LRIG1: variants seen among roughly 807,000 people sequenced by gnomAD.
LRIG1 encodes the protein leucine-rich repeats and immunoglobulin-like domains protein 1.
A neutral mutation model predicts 99.2 loss-of-function variants in LRIG1; 48 were observed. The ratio of observed to expected loss-of-function variants is 0.48; its 90% CI spans 0.38 to 0.62. The LOEUF (loss-of-function observed/expected upper bound fraction) is 0.62. Ranked by LOEUF, LRIG1 falls within the 20% of genes least tolerant of loss-of-function variation. The pLI, the probability that LRIG1 is intolerant of heterozygous loss-of-function variation, is 0.00. For missense variants in LRIG1, 1,646 were observed against 1,434.4 expected, an observed-to-expected ratio of 1.15 and a Z score of -2.38; for synonymous variants, 772 against 596.1, an observed-to-expected ratio of 1.29 and a Z score of -4.30.
chr3:66,389,626 TA>T, intron 12 of LRIG1, among the ~76,000 whole-genome samples: 1 of 152,122 alleles, frequency 6.6e-6, no homozygotes, highest in Non-Finnish European at 1.5e-5. Flanking sequence ...CAGAAACACG[TA>T]AAAATGATAA....
In LRIG1 at chr3:66,500,494, C is replaced by A; in HGVS notation, c.-87G>T. On this transcript the variant is annotated 5_prime_UTR_variant, in exon 1 of 19. Transcript: ENST00000273261. The stretch of plus-strand genomic sequence containing the variant: ...ACGCGGGCGGGCCCGCGGGGCGCTC[C>A]GCTCGGCTCTAGACTCCGCACCGGG... 1.4e-6 allele frequency: 1 copy of A among 733,408 alleles called. No homozygotes were observed. Among genetic ancestry groups the A allele is most frequent in the African/African-American group, 1.8e-5 (1 of 54,116 alleles). 45.4% of individuals were successfully genotyped at this position (733,408 alleles called of 1,614,324 possible).
At position 66,380,236 on chromosome 3, in the gene LRIG1, T is replaced by C; in HGVS notation, c.*27A>G. 6 of 1,577,040 alleles carry C rather than the reference T, an allele frequency of 3.8e-6. No homozygotes were observed. Among genetic ancestry groups the C allele is most frequent in the Non-Finnish European group, 5.2e-6 (6 of 1,155,816 alleles). On this transcript the variant is annotated 3_prime_UTR_variant, in exon 19 of 19. Coordinates refer to ENST00000273261, the MANE Select transcript of LRIG1 (RefSeq NM_015541.3). ...TACCTCTCTTTCCCGTAGAGATTGG[T>C]ATGACAAGAACTGAGGTAGACAAAA...
intron 16 of LRIG1, 43 bp downstream of exon 16, chr3:66,382,230 A>G: frequency 6.2e-7 from 1 of 1,609,024 alleles, no homozygotes. Flanking sequence ...ACCCAGAGAC[A>G]CAGTCACAGC....
chr3:66,385,673 G>A (rs548563692), intron 13 of LRIG1, among the ~76,000 whole-genome samples: 13 of 152,158 alleles, frequency 8.5e-5, no homozygotes, highest in Admixed American at 2.0e-4. Context: ...CACTAGTCTC[G>A]AACTCCTGGC....
intron 1 of LRIG1, among the ~76,000 whole-genome samples, chr3:66,499,899 C>A (rs968628390): frequency 6.7e-6 from 1 of 149,726 alleles, no homozygotes; most frequent in Non-Finnish European, 1.5e-5. Flanking sequence ...ATGGCCCGCA[C>A]GACGCGTGCT....
At chr3:66,428,799 A>C (rs987248834) in intron 3 of LRIG1, among the ~76,000 whole-genome samples, 1 of 152,236 alleles carries the variant, frequency 6.6e-6, no homozygotes, top group Non-Finnish European at 1.5e-5. Flanking sequence ...TCTCGTAAGA[A>C]ACAGCCCAGC....
chr3:66,429,214 AG>A (rs1354136872), intron 3 of LRIG1, among the ~76,000 whole-genome samples: 1 of 152,200 alleles, frequency 6.6e-6, no homozygotes, highest in Non-Finnish European at 1.5e-5. Context: ...TTGCTACAGC[AG>A]ATCCCATTTG....
intron 3 of LRIG1, among the ~76,000 whole-genome samples, chr3:66,425,222 C>T (rs553330752): frequency 2.8e-4 from 43 of 152,320 alleles, no homozygotes; most frequent in African/African-American, 9.6e-4. Flanking sequence ...ACTTTAAGGG[C>T]ACTGGCCCAG....
intron 3 of LRIG1, among the ~76,000 whole-genome samples, chr3:66,428,208 C>G (rs1485101544): frequency 6.6e-6 from 1 of 152,184 alleles, no homozygotes; most frequent in Non-Finnish European, 1.5e-5. Context: ...ATATGTCTGG[C>G]CTTAGCAGAC....
intron 3 of LRIG1, among the ~76,000 whole-genome samples, chr3:66,439,366 TA>T (rs1472008296): frequency 6.6e-6 from 1 of 152,240 alleles, no homozygotes; most frequent in East Asian, 1.9e-4. Flanking sequence ...AGTCACATTC[TA>T]AAAAGTCCAA....
chr3:66,416,237 A>C (rs1468606593), intron 4 of LRIG1, among the ~76,000 whole-genome samples: 1 of 152,210 alleles, frequency 6.6e-6, no homozygotes, highest in East Asian at 1.9e-4. Flanking sequence ...ACAAAAGCCA[A>C]GGCCTCCTGT....
intron 3 of LRIG1, among the ~76,000 whole-genome samples, chr3:66,424,976 T>C (rs913262917): frequency 1.3e-5 from 2 of 152,216 alleles, no homozygotes; most frequent in African/African-American, 2.4e-5. Context: ...TTCAGGAGGT[T>C]AGAGGTATTA....
At chr3:66,421,576 C>CCTCCCTCCCAG (rs1298800507) in intron 3 of LRIG1, among the ~76,000 whole-genome samples, 4 of 152,190 alleles carry the variant, frequency 2.6e-5, no homozygotes, top group African/African-American at 9.7e-5. Flanking sequence ...CAGGGTATAG[C>CCTCCCTCCCAG]CTCCCTCCCA....
chr3:66,396,688 T>A (rs1701864183), intron 11 of LRIG1, among the ~76,000 whole-genome samples: 1 of 152,232 alleles, frequency 6.6e-6, no homozygotes, highest in Non-Finnish European at 1.5e-5. Context: ...AAGGAAAATC[T>A]TATCCTCCTC....
At chr3:66,386,493 A>G (rs1177368001) in intron 12 of LRIG1, 192 bp from the exon 13 acceptor site, 2 of 592,248 alleles carry the variant, frequency 3.4e-6, no homozygotes, top group African/African-American at 1.9e-5. Context: ...TCTAATTAGA[A>G]GTCTGTGAGT....
chr3:66,498,125 T>C (rs1701270414), intron 1 of LRIG1: 1 of 152,238 alleles, frequency 6.6e-6, no homozygotes, highest in Admixed American at 6.5e-5. Context: ...TTGCACTGCA[T>C]ACTGTGTTGC....
intron 7 of LRIG1, among the ~76,000 whole-genome samples, chr3:66,408,051 C>T (rs1052688871): frequency 2.6e-5 from 4 of 152,202 alleles, no homozygotes; most frequent in Admixed American, 6.5e-5. Context: ...CCCCCATCCA[C>T]GTGGACCTCA....
At position 66,417,790 on chromosome 3, in the gene LRIG1, GAAAAAGAA is replaced by G. The variant is rs1702660006; in HGVS notation, c.366-532_366-525del. On this transcript the variant is annotated intron_variant, in intron 3 of 18. Transcript: ENST00000273261. ...CAGACACAGAGGATTTAAACAAAAA[GAAAAAGAA>G]AAAAAAAAAAAGATTACGACAAAAT... Among the ~76,000 whole-genome samples the G allele has an allele frequency of 4.6e-5, 6 of 129,402 alleles. No homozygotes were observed. In the South Asian group the frequency reaches 1.2e-3, roughly 26 times the overall value. The allele number at this position is 129,402 out of a possible 152,430, so 84.9% of individuals were successfully genotyped here.
chr3:66,417,979 C>T (rs191531106), intron 3 of LRIG1, among the ~76,000 whole-genome samples: 19 of 152,156 alleles, frequency 1.2e-4, no homozygotes, highest in East Asian at 5.8e-4. Flanking sequence ...GGGATAGGGA[C>T]GATCCAGCCT....
Sources: gnomAD v4.1 joint callset for allele counts (sites outside exome capture counted in the v4.1 genomes callset) on GRCh38, gnomAD v4.1.1 for gene constraint, MANE v1.5 for transcripts, NCBI Gene and HGNC (gene_info 2026-07-23, HGNC 2026-07-21) for gene names.